The following EPHB1 variants were observed in gnomAD, a reference collection of about 807,000 sequenced individuals.
The protein encoded by EPHB1 is ephrin type-B receptor 1.
In EPHB1, 30 loss-of-function variants were observed where a neutral mutation model predicts 94.4. That is an observed-to-expected ratio of 0.32 (90% confidence interval 0.24 to 0.43). The LOEUF is 0.43. EPHB1 is among the 20% of genes least tolerant of loss of function. The pLI is 1.00. For missense variants in EPHB1, 1,055 were observed against 1,308.3 expected (o/e 0.81, Z 2.99); for synonymous variants, 522 against 489.1 (o/e 1.07, Z -0.89).
At chr3:134,950,738 CCCACCT>C (rs1453579866) in intron 2 of EPHB1, among the ~76,000 whole-genome samples, 1 of 152,122 alleles carries the variant, frequency 6.6e-6, no homozygotes, top group Non-Finnish European at 1.5e-5. Flanking sequence ...CCCACCAGGC[CCCACCT>C]CCAACATTGG....
chr3:135,190,823 A>G (rs911718634), intron 10 of EPHB1, among the ~76,000 whole-genome samples: 1 of 152,328 alleles, frequency 6.6e-6, no homozygotes, highest in East Asian at 1.9e-4. Context: ...TGATACAACA[A>G]CTTTTACTGG....
chr3:135,068,207 A>T (rs1937609212), intron 3 of EPHB1, among the ~76,000 whole-genome samples: 1 of 152,116 alleles, frequency 6.6e-6, no homozygotes. Flanking sequence ...CAGAGCTGCG[A>T]TCTAGCCCTG....
chr3:135,206,356 A>G (rs1430786495), intron 12 of EPHB1, among the ~76,000 whole-genome samples: 2 of 152,176 alleles, frequency 1.3e-5, no homozygotes, highest in Non-Finnish European at 2.9e-5. Flanking sequence ...TGCCAGCACT[A>G]CTTATTAAAT....
intron 12 of EPHB1, among the ~76,000 whole-genome samples, chr3:135,228,131 T>C (rs189063063): frequency 3.4e-4 from 52 of 152,324 alleles, no homozygotes; most frequent in Admixed American, 8.5e-4. Flanking sequence ...TTAGCCTTTT[T>C]TTCGCTCTAG....
intron 9 of EPHB1, among the ~76,000 whole-genome samples, chr3:135,175,130 CT>C (rs973481805): frequency 6.6e-6 from 1 of 152,184 alleles, no homozygotes; most frequent in African/African-American, 2.4e-5. Flanking sequence ...TAAAATGACC[CT>C]TTCCAGCCCT....
rs563420910 is a variant in EPHB1 at position 135,076,731 on chromosome 3, T to C, written c.806-29717T>C. Among the ~76,000 whole-genome samples the C allele has an allele frequency of 1.1e-4, 16 of 152,360 alleles. No individual in the cohort carries two copies. The South Asian group carries it at 1.9e-3, about 18-fold the overall frequency. Reference sequence around the variant, plus strand: ...TGGTGAATGGATAAACAAAATGTGGTATATCCATACAATGGAATATTGTTC... The same window carrying C: ...TGGTGAATGGATAAACAAAATGTGGCATATCCATACAATGGAATATTGTTC... On this transcript the variant is annotated intron_variant, in intron 3 of 15. Transcript: ENST00000398015.
chr3:135,108,963 A>G (rs1298203689), intron 4 of EPHB1, among the ~76,000 whole-genome samples: 2 of 152,118 alleles, frequency 1.3e-5, no homozygotes, highest in Admixed American at 1.3e-4. Context: ...AGGGCTACTG[A>G]CAGTAAGGGG....
At chr3:135,257,004 T>C (rs199621524) in intron 15 of EPHB1, among the ~76,000 whole-genome samples, 123,186 of 128,998 alleles carry the variant, frequency 0.95, 59,213 homozygotes, top group Non-Finnish European at 0.99. Flanking sequence ...TCCAGTTGAT[T>C]GCATTGGCTC....
chr3:135,099,106 GTTGTTA>G (rs1400748631), intron 3 of EPHB1, among the ~76,000 whole-genome samples: 2 of 102,952 alleles, frequency 1.9e-5, no homozygotes, highest in African/African-American at 3.4e-5. Flanking sequence ...CATATTTGTT[GTTGTTA>G]TTATTATTAT....
intron 15 of EPHB1, among the ~76,000 whole-genome samples, chr3:135,251,524 A>G (rs1933097650): frequency 6.6e-6 from 1 of 152,252 alleles, no homozygotes; most frequent in Non-Finnish European, 1.5e-5. Context: ...GATTTCATTC[A>G]AAGTAAAACA....
At chr3:134,971,083 G>T (rs1933953477) in intron 3 of EPHB1, among the ~76,000 whole-genome samples, 1 of 152,180 alleles carries the variant, frequency 6.6e-6, no homozygotes, top group Non-Finnish European at 1.5e-5. Flanking sequence ...GGAGGGGAAA[G>T]CTGTTTAGGA....
In EPHB1 at chr3:135,106,614, A is replaced by G; in HGVS notation, c.961+11A>G. ...AAGTGGCATGCACTAGTAAGTGTCT[A>G]GTAATGGCTCTGGGCTGGGGAGTTT... On this transcript the variant is annotated intron_variant, in intron 4 of 15. Transcript: ENST00000398015. 1 of 1,613,868 alleles carries G rather than the reference A, an allele frequency of 6.2e-7. No homozygotes were observed.
intron 1 of EPHB1, among the ~76,000 whole-genome samples, chr3:134,905,407 T>A (rs1163345516): frequency 6.6e-6 from 1 of 152,214 alleles, no homozygotes; most frequent in East Asian, 1.9e-4. Flanking sequence ...CTTGTCACTT[T>A]CCGCATGTCA....
intron 2 of EPHB1, among the ~76,000 whole-genome samples, chr3:134,946,849 T>C (rs909754219): frequency 6.6e-6 from 1 of 152,306 alleles, no homozygotes; most frequent in Non-Finnish European, 1.5e-5. Context: ...TAGATTGTGG[T>C]GCCATGCTTC....
At chr3:135,177,542 C>T (rs1399466823) in intron 9 of EPHB1, among the ~76,000 whole-genome samples, 1 of 152,204 alleles carries the variant, frequency 6.6e-6, no homozygotes, top group African/African-American at 2.4e-5. Flanking sequence ...CATGTGCTAA[C>T]CTAGACATTG....
chr3:135,066,191 T>C (rs1367183885), intron 3 of EPHB1, among the ~76,000 whole-genome samples: 2 of 152,234 alleles, frequency 1.3e-5, no homozygotes, highest in African/African-American at 2.4e-5. Flanking sequence ...AATGATCTTT[T>C]TGCAATGAAT....
At chr3:135,255,060 A>G (rs1933313691) in intron 15 of EPHB1, among the ~76,000 whole-genome samples, 1 of 151,968 alleles carries the variant, frequency 6.6e-6, no homozygotes. Context: ...ATCGGTGGTG[A>G]TATCCCCTTT....
At chr3:135,170,145 G>A (rs896602132) in intron 9 of EPHB1, among the ~76,000 whole-genome samples, 3 of 152,208 alleles carry the variant, frequency 2.0e-5, no homozygotes, top group African/African-American at 7.2e-5. Flanking sequence ...GAGAGCCCCT[G>A]CCTTTCTTGC....
Position 135,034,439 on chromosome 3 carries a change from G to C in EPHB1, c.806-72009G>C, listed in dbSNP as rs1202026884. On this transcript the variant is annotated intron_variant, in intron 3 of 15. Coordinates refer to ENST00000398015, the MANE Select transcript of EPHB1 (RefSeq NM_004441.5). Reference sequence around the variant, plus strand: ...AGGTCCTGTGCAGCACCAGAGGCTTGATCTGGGAATCACGTGTGAGGGCTG... The same window carrying C: ...AGGTCCTGTGCAGCACCAGAGGCTTCATCTGGGAATCACGTGTGAGGGCTG... 2.0e-5 allele frequency among the ~76,000 whole-genome samples: 3 copies of C among 152,228 alleles called. No homozygotes were observed. In the East Asian group the frequency reaches 5.8e-4, roughly 29 times the overall value.
Sources: allele counts gnomAD v4.1 joint callset (sites outside exome capture counted in the v4.1 genomes callset), GRCh38; gene constraint gnomAD v4.1.1; transcripts MANE v1.5; gene names NCBI Gene and HGNC (gene_info 2026-07-23, HGNC 2026-07-21).